FLI1: variants seen among roughly 807,000 people sequenced by gnomAD.
FLI1 encodes the protein Fli-1 proto-oncogene, ETS transcription factor, also known as Friend leukemia integration 1 transcription factor.
A neutral mutation model predicts 53.1 loss-of-function variants in FLI1; 13 were observed. That is an observed-to-expected ratio of 0.24 (90% CI 0.16 to 0.39). The LOEUF (loss-of-function observed/expected upper bound fraction) is 0.39, where lower values mean the gene tolerates loss of function less well. FLI1 is among the 10% of genes least tolerant of loss of function. FLI1 has a pLI of 1.00. For missense variants in FLI1, 424 were observed against 600.5 expected (o/e 0.71, Z 3.07); for synonymous variants, 244 against 236.7 (o/e 1.03, Z -0.28).
upstream of FLI1, chr11:128,686,092 C>T (rs1442125614): frequency 3.1e-6 from 1 of 322,762 alleles, no homozygotes; most frequent in Non-Finnish European, 6.2e-6. Context: ...GGGCCACCAG[C>T]AGGGAAGAGC....
chr11:128,754,276 T>TGTGTGTGTGTGTGC (rs1491299709), intron 1 of FLI1, among the ~76,000 whole-genome samples: 2 of 148,698 alleles, frequency 1.3e-5, no homozygotes, highest in African/African-American at 4.9e-5. Flanking sequence ...TGTGTGTGTG[T>TGTGTGTGTGTGTGC]GCACATATGC....
At chr11:128,794,778 C>G (rs1325463245) in intron 5 of FLI1, among the ~76,000 whole-genome samples, 1 of 152,034 alleles carries the variant, frequency 6.6e-6, no homozygotes, top group Admixed American at 6.6e-5. Context: ...TCTGTAAGAT[C>G]GAGAAGTTTA....
intron 1 of FLI1, among the ~76,000 whole-genome samples, chr11:128,735,685 TG>T (rs1266849442): frequency 1.3e-5 from 2 of 152,232 alleles, no homozygotes; most frequent in African/African-American, 4.8e-5. Flanking sequence ...CCTAGGTAGC[TG>T]AGTGAACCAG....
At chr11:128,745,026 T>A (rs1189973070) in intron 1 of FLI1, among the ~76,000 whole-genome samples, 1 of 152,066 alleles carries the variant, frequency 6.6e-6, no homozygotes, top group Non-Finnish European at 1.5e-5. Context: ...ATGAATGAGA[T>A]ATGATTAGGC....
chr11:128,776,231 G>GTCA (rs1471083175), intron 4 of FLI1, among the ~76,000 whole-genome samples: 1 of 152,148 alleles, frequency 6.6e-6, no homozygotes, highest in Non-Finnish European at 1.5e-5. Flanking sequence ...TCACACCTGG[G>GTCA]CGTGTCAGCT....
At chr11:128,732,950 G>A (rs1016762297) in intron 1 of FLI1, among the ~76,000 whole-genome samples, 1 of 152,182 alleles carries the variant, frequency 6.6e-6, no homozygotes, top group Non-Finnish European at 1.5e-5. Context: ...TCTTACTAAA[G>A]CATCTCATTG....
intron 1 of FLI1, among the ~76,000 whole-genome samples, chr11:128,755,876 A>G (rs555849841): frequency 1.3e-4 from 20 of 152,344 alleles, no homozygotes; most frequent in Non-Finnish European, 2.6e-4. Flanking sequence ...CTCCTAGAGT[A>G]TATTCCAGTA....
chr11:128,708,494 G>A (rs757554500), intron 1 of FLI1, among the ~76,000 whole-genome samples: 7 of 152,072 alleles, frequency 4.6e-5, no homozygotes, highest in East Asian at 1.9e-4. Flanking sequence ...TGTGGGCACC[G>A]GCTTGGGTAG....
rs1565513421 is a variant in FLI1, at chr11:128,810,926, A to C, written c.1297A>C (p.Asn433His). ...WTSPTGGIYP[N>H]PNVPRHPNTH... ...CTCCCCCACGGGGGGAATCTACCCC[A>C]ACCCCAACGTCCCCCGCCATCCTAA... The change falls in exon 9 of 9, where the codon AAC becomes CAC. Residue 433 changes from asparagine (N) to histidine (H), a missense_variant. Asn to His is a moderately conservative substitution (Grantham distance 68). Coordinates refer to ENST00000527786, the MANE Select transcript of FLI1 (RefSeq NM_002017.5). This position sits in a 1 kb window ranked among gnomAD's most constrained non-coding sequence, Gnocchi z 6.6. The C allele has an allele frequency of 6.2e-7, 1 of 1,613,790 alleles. No homozygotes were observed. The highest frequency in any genetic ancestry group is 8.5e-7 in the Non-Finnish European group (1 of 1,179,872).
At chr11:128,780,678 G>T (rs762704728) in intron 4 of FLI1, among the ~76,000 whole-genome samples, 2 of 152,180 alleles carry the variant, frequency 1.3e-5, no homozygotes, top group African/African-American at 4.8e-5. Flanking sequence ...ACAACCAAAC[G>T]CCCACAGCTG....
intron 1 of FLI1, among the ~76,000 whole-genome samples, chr11:128,714,897 C>T (rs557720778): frequency 1.3e-5 from 2 of 151,880 alleles, no homozygotes; most frequent in East Asian, 1.9e-4. Context: ...TTAGTAGAGA[C>T]GGGGTTTCAC....
chr11:128,707,372 T>C (rs1938590179), intron 1 of FLI1, among the ~76,000 whole-genome samples: 1 of 152,238 alleles, frequency 6.6e-6, no homozygotes, highest in South Asian at 2.1e-4. Context: ...ATACGGTCTT[T>C]GGTGCAACAT....
chr11:128,704,370 G>C (rs1334209411), intron 1 of FLI1, among the ~76,000 whole-genome samples: 2 of 152,102 alleles, frequency 1.3e-5, no homozygotes, highest in African/African-American at 4.8e-5. Context: ...TTATTGCCAA[G>C]TGACACTAGA....
At chr11:128,752,451 G>A (rs573338988) in intron 1 of FLI1, among the ~76,000 whole-genome samples, 5 of 152,224 alleles carry the variant, frequency 3.3e-5, no homozygotes, top group African/African-American at 1.2e-4. Context: ...GTAATGAGCA[G>A]CAGATGAAGC....
At chr11:128,739,218 T>C (rs763325093) in intron 1 of FLI1, among the ~76,000 whole-genome samples, 29 of 152,114 alleles carry the variant, frequency 1.9e-4, no homozygotes, top group Non-Finnish European at 3.4e-4. Flanking sequence ...TAGCACTTGC[T>C]CCATTCTTAG....
upstream of FLI1, among the ~76,000 whole-genome samples, chr11:128,689,404 G>C (rs891922020): frequency 6.6e-6 from 1 of 152,016 alleles, no homozygotes; most frequent in Non-Finnish European, 1.5e-5. Flanking sequence ...TTTTCTCCTT[G>C]TGTACCCCCC....
At chr11:128,761,400 C>G (rs1051090937) in intron 2 of FLI1, among the ~76,000 whole-genome samples, 1 of 152,196 alleles carries the variant, frequency 6.6e-6, no homozygotes, top group African/African-American at 2.4e-5. Context: ...CTCACTGACA[C>G]GTGGGCAGGG....
At chr11:128,767,741 A>C (rs991861747) in intron 2 of FLI1, among the ~76,000 whole-genome samples, 1 of 152,196 alleles carries the variant, frequency 6.6e-6, no homozygotes, top group African/African-American at 2.4e-5. Context: ...GCGGGCACCA[A>C]GTGCTGGGGG....
At chr11:128,753,294 G>C (rs957066088) in intron 1 of FLI1, among the ~76,000 whole-genome samples, 1 of 152,236 alleles carries the variant, frequency 6.6e-6, no homozygotes, top group African/African-American at 2.4e-5. Context: ...AGGAGCCCAC[G>C]CCTCCTGTCT....
Sources: allele counts gnomAD v4.1 joint callset (sites outside exome capture counted in the v4.1 genomes callset), GRCh38; gene constraint gnomAD v4.1.1; non-coding constraint Gnocchi (gnomAD v3.1); transcripts MANE v1.5; gene names NCBI Gene and HGNC (gene_info 2026-07-23, HGNC 2026-07-21).